Variants in ATAD3B observed in about 807,000 individuals in gnomAD.
ATAD3B encodes the protein ATPase family AAA domain containing 3B, also known as ATPase family AAA domain-containing protein 3B.
Under a neutral mutation model 70.2 loss-of-function variants are expected in ATAD3B, and 59 were observed. That is an observed-to-expected ratio of 0.84 (90% confidence interval 0.68 to 1.04). The LOEUF is 1.04. ATAD3B is among the 50% of genes least tolerant of loss of function. The pLI, the probability that ATAD3B is intolerant of heterozygous loss-of-function variation, is 0.00. For missense variants in ATAD3B, 961 were observed against 913.4 expected (o/e 1.05, Z -0.67); for synonymous variants, 423 against 388.6 (o/e 1.09, Z -1.04).
chr1:1,473,332 G>A (rs973528224), intron 1 of ATAD3B, among the ~76,000 whole-genome samples: 6 of 150,496 alleles, frequency 4.0e-5, no homozygotes, highest in Non-Finnish European at 7.4e-5. Flanking sequence ...GTTTCACCGT[G>A]TTAGCCAGGA....
intron 13 of ATAD3B, chr1:1,489,871 G>C (rs541353621): frequency 8.2e-7 from 1 of 1,217,440 alleles, no homozygotes; most frequent in Admixed American, 3.6e-5. Flanking sequence ...CCGGGCCCCC[G>C]AGGTCCTGCT....
chr1:1,489,477 T>A, intron 13 of ATAD3B: 5 of 1,087,826 alleles, frequency 4.6e-6, no homozygotes. Context: ...CGGGCAGAGC[T>A]GGGGTCAGTC....
chr1:1,490,820 C>T (rs1330469551), intron 15 of ATAD3B, 149 bp downstream of exon 15: 6 of 1,462,194 alleles, frequency 4.1e-6, no homozygotes, highest in Non-Finnish European at 3.6e-6. Flanking sequence ...GGCCCCCTGC[C>T]TCAGTCGGGC....
intron 5 of ATAD3B, among the ~76,000 whole-genome samples, chr1:1,481,840 C>CGGGCCTGTCCATGGACT (rs1639918890): frequency 6.6e-6 from 1 of 152,138 alleles, no homozygotes; most frequent in Non-Finnish European, 1.5e-5. Flanking sequence ...GTCTGTGGCA[C>CGGGCCTGTCCATGGACT]GGGCCTGTCC....
chr1:1,498,810 A>G (rs1224404044), downstream of ATAD3B, among the ~76,000 whole-genome samples: 1 of 151,434 alleles, frequency 6.6e-6, no homozygotes. Flanking sequence ...TCGGTGTCGC[A>G]AAAGAAGTAG....
At chr1:1,484,809 G>A (rs1424617801) in intron 7 of ATAD3B, 20 of 1,348,352 alleles carry the variant, frequency 1.5e-5, no homozygotes, top group Admixed American at 1.2e-4. Flanking sequence ...ATGGCCCTGA[G>A]TGAGGGCGTT....
downstream of ATAD3B, among the ~76,000 whole-genome samples, chr1:1,502,511 T>A: frequency 8.7e-6 from 1 of 114,844 alleles, no homozygotes; most frequent in East Asian, 2.7e-4. Flanking sequence ...CCCAGCATTT[T>A]TTTTTTTTTT....
the ATAD3B span, among the ~76,000 whole-genome samples, chr1:1,506,496 A>G: frequency 6.6e-6 from 1 of 150,984 alleles, no homozygotes; most frequent in Non-Finnish European, 1.5e-5. Context: ...TCATGACGTC[A>G]GGTGATCTGT....
At chr1:1,508,148 G>A in the ATAD3B span, among the ~76,000 whole-genome samples, 1 of 151,988 alleles carries the variant, frequency 6.6e-6, no homozygotes, top group African/African-American at 2.4e-5. Flanking sequence ...GTGGGCTCAA[G>A]ACCAAAAATG....
the ATAD3B span, chr1:1,503,218 C>T: frequency 1.6e-5 from 3 of 184,044 alleles, no homozygotes; most frequent in South Asian, 2.1e-4. Flanking sequence ...AGCGAGATTC[C>T]GTCTCAAAAA....
At chr1:1,492,204 G>C (rs1557429362) in intron 15 of ATAD3B, among the ~76,000 whole-genome samples, 1 of 151,710 alleles carries the variant, frequency 6.6e-6, no homozygotes, top group Non-Finnish European at 1.5e-5. Context: ...AGAATAATTT[G>C]GAACAAGCCC....
At chr1:1,490,098 C>G in intron 13 of ATAD3B, 159 bp from the exon 14 acceptor site, 1 of 1,431,142 alleles carries the variant, frequency 7.0e-7, no homozygotes, top group Non-Finnish European at 9.1e-7. Flanking sequence ...GGCGGGTGAC[C>G]AGGGCTGTGG....
downstream of ATAD3B, among the ~76,000 whole-genome samples, chr1:1,501,896 T>C (rs1171245243): frequency 6.6e-6 from 1 of 152,168 alleles, no homozygotes; most frequent in Non-Finnish European, 1.5e-5. Flanking sequence ...TTTGTTTTTT[T>C]TGAGATGGAG....
the ATAD3B span, among the ~76,000 whole-genome samples, chr1:1,502,913 T>C: frequency 6.6e-6 from 1 of 151,386 alleles, no homozygotes; most frequent in South Asian, 2.1e-4. Flanking sequence ...CAGTCTAATA[T>C]ATATATATAT....
chr1:1,502,679 T>C (rs1031756065), downstream of ATAD3B, among the ~76,000 whole-genome samples: 1 of 150,712 alleles, frequency 6.6e-6, no homozygotes, highest in African/African-American at 2.4e-5. Flanking sequence ...GCCCGGCTAA[T>C]TTTTTGTATT....
Position 1,486,255 on chromosome 1 carries a change from C to T in ATAD3B, c.1089+20C>T, listed in dbSNP as rs772058266. ...GCCAAGGTGAGAGCGCCTGGCTGAA[C>T]AGGTGGGCCAGGGGCCGCTGGGGTC... On this transcript the variant is annotated intron_variant, in intron 10 of 15. Transcript: ENST00000673477. 4.8e-5 allele frequency: 77 copies of T among 1,612,342 alleles called. 2 individuals carry two copies. Among genetic ancestry groups the T allele is most frequent in the Admixed American group, 2.2e-4 (13 of 59,904 alleles).
Position 1,478,342 on chromosome 1 carries a change from C to T in ATAD3B, c.283-302C>T, listed in dbSNP as rs183391322. On this transcript the variant is annotated intron_variant, in intron 2 of 15. Transcript: ENST00000673477. Reference sequence around the variant, plus strand: ...ATGGGCACGAGCTCTGCCCTCATCACAGTCCAAAAGTGAGCACCTGCCTGG... The same window carrying T: ...ATGGGCACGAGCTCTGCCCTCATCATAGTCCAAAAGTGAGCACCTGCCTGG... 4,571 of 1,293,648 alleles carry T rather than the reference C, an allele frequency of 3.5e-3. 44 individuals carry two copies. The highest frequency in any genetic ancestry group is 5.6e-3 in the Admixed American group (200 of 35,992). The allele number at this position is 1,293,648 out of a possible 1,614,324, so 80.1% of individuals were successfully genotyped here. A position where few individuals can be genotyped will look rare whatever the true frequency, so the allele number is the denominator to read the frequency against.
downstream of ATAD3B, among the ~76,000 whole-genome samples, chr1:1,501,457 G>A (rs376870200): frequency 3.6e-4 from 55 of 152,208 alleles, no homozygotes; most frequent in South Asian, 1.5e-3. Flanking sequence ...GGGTTTCACC[G>A]TGTTATCCAG....
At chr1:1,481,203 C>T (rs1303300043) in intron 5 of ATAD3B, among the ~76,000 whole-genome samples, 3 of 104,798 alleles carry the variant, frequency 2.9e-5, no homozygotes, top group Non-Finnish European at 3.5e-5. Flanking sequence ...GACGGAGTCT[C>T]GCTCTGTCAC....
Sources: allele counts gnomAD v4.1 joint callset (sites outside exome capture counted in the v4.1 genomes callset), GRCh38; gene constraint gnomAD v4.1.1; transcripts MANE v1.5; gene names NCBI Gene and HGNC (gene_info 2026-07-23, HGNC 2026-07-21).